The following AP3B1 variants were observed in gnomAD, a reference collection of about 807,000 sequenced individuals.
AP3B1 encodes AP-3 complex subunit beta-1.
Under a neutral mutation model 132.5 loss-of-function variants are expected in AP3B1, and 61 were observed. That is an observed-to-expected ratio of 0.46 (90% CI 0.37 to 0.57). The LOEUF is 0.57. Among genes scored for constraint, AP3B1 ranks in the 20% least tolerant of loss-of-function variants. The probability of loss-of-function intolerance (pLI) is 0.00; values close to 1 mark genes in which losing one functional copy is unlikely to be tolerated. For synonymous variants in AP3B1, 388 were observed against 438.3 expected, an observed-to-expected ratio of 0.89 and a Z score of 1.43; for missense variants, 1,120 against 1,289.4, an observed-to-expected ratio of 0.87 and a Z score of 2.01.
At chr5:78,146,270 A>G (rs1010620964) in intron 14 of AP3B1, among the ~76,000 whole-genome samples, 18 of 152,310 alleles carry the variant, frequency 1.2e-4, no homozygotes, top group African/African-American at 4.3e-4. Flanking sequence ...TATGTCTGCT[A>G]CATCCCTCAT....
Position 78,156,261 on chromosome 5 carries a change from G to C in AP3B1, c.1470C>G (p.Ile490Met), listed in dbSNP as rs767498617. 2 of 1,601,410 alleles carry C rather than the reference G, an allele frequency of 1.2e-6. No homozygotes were observed. The highest frequency in any genetic ancestry group is 8.6e-7 in the Non-Finnish European group (1 of 1,168,608). ...IKHMAKLLDS[I>M]TVPVARASIL... is the part of the protein sequence containing the mutation. The stretch of plus-strand genomic sequence containing the variant: ...ACATCTCTTAATTGATACTCACAGT[G>C]ATACTGTCCAGGAGTTTGGCCATAT... Residue 490 changes from isoleucine (I) to methionine (M), a missense_variant, in exon 14 of 27, where the codon ATC (isoleucine) becomes ATG (methionine). Coordinates refer to ENST00000255194, the MANE Select transcript of AP3B1 (RefSeq NM_003664.5).
intron 20 of AP3B1, among the ~76,000 whole-genome samples, chr5:78,103,949 T>C (rs1374648319): frequency 1.3e-5 from 2 of 152,124 alleles, no homozygotes; most frequent in Non-Finnish European, 2.9e-5. Flanking sequence ...ATGTTCATTT[T>C]CATGCTGATT....
At chr5:78,080,002 T>G (rs1419667420) in intron 22 of AP3B1, among the ~76,000 whole-genome samples, 2 of 152,156 alleles carry the variant, frequency 1.3e-5, no homozygotes, top group Non-Finnish European at 2.9e-5. Context: ...TGTATTCTTT[T>G]GTAATTTTCC....
At chr5:78,020,033 C>A (rs190266976) in intron 25 of AP3B1, among the ~76,000 whole-genome samples, 1 of 151,746 alleles carries the variant, frequency 6.6e-6, no homozygotes, top group Non-Finnish European at 1.5e-5. Context: ...TATTCACATA[C>A]GAAAAAAAAC....
intron 23 of AP3B1, among the ~76,000 whole-genome samples, chr5:78,037,918 TAC>T (rs540338990): frequency 3.3e-5 from 5 of 152,342 alleles, no homozygotes; most frequent in African/African-American, 1.2e-4. Flanking sequence ...TTCTAAATAT[TAC>T]ACTATTTCAA....
chr5:78,188,086 G>A (rs914817959), intron 7 of AP3B1, among the ~76,000 whole-genome samples: 5 of 152,116 alleles, frequency 3.3e-5, no homozygotes, highest in Admixed American at 2.6e-4. Context: ...ATTAACTCAA[G>A]ATGCATTAAA....
At chr5:78,027,077 C>A (rs1289459395) in intron 24 of AP3B1, among the ~76,000 whole-genome samples, 1 of 151,978 alleles carries the variant, frequency 6.6e-6, no homozygotes, top group Non-Finnish European at 1.5e-5. Context: ...TTTTTCTTTA[C>A]TTGTAGAGAA....
At chr5:78,010,022 G>T (rs911048422) in intron 26 of AP3B1, among the ~76,000 whole-genome samples, 1 of 152,142 alleles carries the variant, frequency 6.6e-6, no homozygotes, top group African/African-American at 2.4e-5. Flanking sequence ...CAAATGTCAG[G>T]ATTTCTGACT....
chr5:78,197,497 G>C (rs1473849543), intron 7 of AP3B1, among the ~76,000 whole-genome samples: 1 of 152,106 alleles, frequency 6.6e-6, no homozygotes, highest in Non-Finnish European at 1.5e-5. Context: ...TACTTAAGTA[G>C]TAGTACTTTC....
chr5:78,203,247 AT>A (rs1745369743), intron 7 of AP3B1, among the ~76,000 whole-genome samples: 1 of 152,218 alleles, frequency 6.6e-6, no homozygotes, highest in African/African-American at 2.4e-5. Flanking sequence ...AGACTGGATA[AT>A]TTATAAAGAA....
At chr5:78,010,501 T>C (rs956655145) in intron 26 of AP3B1, among the ~76,000 whole-genome samples, 5 of 152,246 alleles carry the variant, frequency 3.3e-5, no homozygotes, top group African/African-American at 4.8e-5. Flanking sequence ...ACATGTTTTT[T>C]GTTTTCTGCT....
chr5:78,215,961 C>T, intron 7 of AP3B1, 94 bp downstream of exon 7: 1 of 1,170,556 alleles, frequency 8.5e-7, no homozygotes, highest in Non-Finnish European at 1.3e-6. Flanking sequence ...ATGCAGATTT[C>T]TCTAGTTTAC....
chr5:78,152,445 G>A (rs1370397734), intron 14 of AP3B1, among the ~76,000 whole-genome samples: 3 of 151,938 alleles, frequency 2.0e-5, no homozygotes, highest in Non-Finnish European at 4.4e-5. Context: ...ATTTCCTCTA[G>A]ATTATCCAAC....
chr5:78,179,112 T>C (rs1744265651), intron 8 of AP3B1, among the ~76,000 whole-genome samples: 1 of 152,142 alleles, frequency 6.6e-6, no homozygotes, highest in Non-Finnish European at 1.5e-5. Flanking sequence ...TTAAATCTTA[T>C]AAAATAAAAG....
intron 7 of AP3B1, among the ~76,000 whole-genome samples, chr5:78,191,636 C>T (rs925751057): frequency 6.0e-4 from 92 of 152,180 alleles, no homozygotes; most frequent in Admixed American, 6.0e-3. Flanking sequence ...AATCCATTCC[C>T]TAGAACCACA....
At chr5:78,224,412 T>C (rs4386719) in intron 6 of AP3B1, among the ~76,000 whole-genome samples, 27,914 of 151,924 alleles carry the variant, frequency 0.18, 2,816 homozygotes, top group Admixed American at 0.27. Flanking sequence ...ACATATTCAC[T>C]TAATCTAAGA....
intron 2 of AP3B1, among the ~76,000 whole-genome samples, chr5:78,255,735 A>G (rs901788046): frequency 6.6e-6 from 1 of 152,136 alleles, no homozygotes; most frequent in South Asian, 2.1e-4. Flanking sequence ...ACTATAGACA[A>G]AAATGAATCT....
At chr5:78,168,108 G>A (rs945243448) in intron 11 of AP3B1, among the ~76,000 whole-genome samples, 13 of 151,456 alleles carry the variant, frequency 8.6e-5, no homozygotes, top group Admixed American at 5.3e-4. Context: ...TACATATTCT[G>A]AGTACAAATC....
intron 7 of AP3B1, among the ~76,000 whole-genome samples, chr5:78,189,367 T>C (rs1561466728): frequency 6.6e-6 from 1 of 152,332 alleles, no homozygotes; most frequent in East Asian, 1.9e-4. Context: ...GATTTTAATA[T>C]GCATTTACAA....
Sources: gnomAD v4.1 joint callset for allele counts (sites outside exome capture counted in the v4.1 genomes callset) on GRCh38, gnomAD v4.1.1 for gene constraint, MANE v1.5 for transcripts, NCBI Gene and HGNC (gene_info 2026-07-23, HGNC 2026-07-21) for gene names.